Variants in RAPGEF4 observed in about 807,000 individuals in gnomAD.
RAPGEF4 encodes Rap guanine nucleotide exchange factor 4.
Under a neutral mutation model 147.9 loss-of-function variants are expected in RAPGEF4, and 66 were observed. The observed-to-expected ratio is 0.45, with a 90% confidence interval of 0.37 to 0.55. RAPGEF4 has a LOEUF of 0.55. Ranked by LOEUF, RAPGEF4 falls within the 20% of genes least tolerant of loss-of-function variation. The pLI is 0.00. For missense variants in RAPGEF4, 1,071 were observed against 1,257.3 expected, an observed-to-expected ratio of 0.85 and a Z score of 2.24; for synonymous variants, 419 against 442.7, an observed-to-expected ratio of 0.95 and a Z score of 0.67.
intron 4 of RAPGEF4, among the ~76,000 whole-genome samples, chr2:172,837,298 G>T (rs1488692234): frequency 6.6e-6 from 1 of 152,154 alleles, no homozygotes; most frequent in Admixed American, 6.5e-5. Flanking sequence ...GCCGGTGGGG[G>T]TGATTATCCC....
At chr2:172,788,136 G>C (rs977528402) in intron 1 of RAPGEF4, among the ~76,000 whole-genome samples, 1 of 152,134 alleles carries the variant, frequency 6.6e-6, no homozygotes, top group African/African-American at 2.4e-5. Flanking sequence ...CCATTCATGA[G>C]GGCTCTGCCC....
intron 4 of RAPGEF4, among the ~76,000 whole-genome samples, chr2:172,885,193 C>T (rs571589544): frequency 4.6e-5 from 7 of 152,362 alleles, no homozygotes; most frequent in South Asian, 2.1e-4. Flanking sequence ...TGTGGGTCAG[C>T]GTTACAGTGT....
chr2:172,986,948 G>A (rs945992197), intron 12 of RAPGEF4, among the ~76,000 whole-genome samples: 14 of 152,102 alleles, frequency 9.2e-5, no homozygotes, highest in African/African-American at 3.1e-4. Flanking sequence ...TCTGCCCGCC[G>A]TGGCCTCCCA....
At chr2:172,819,622 C>T (rs1372732507) in intron 4 of RAPGEF4, among the ~76,000 whole-genome samples, 11 of 151,182 alleles carry the variant, frequency 7.3e-5, no homozygotes, top group African/African-American at 2.7e-4. Flanking sequence ...CCCGCCACTA[C>T]GCCCGGCTAA....
intron 12 of RAPGEF4, among the ~76,000 whole-genome samples, chr2:172,986,394 G>A (rs1020117196): frequency 6.6e-6 from 1 of 152,120 alleles, no homozygotes; most frequent in Non-Finnish European, 1.5e-5. Context: ...CAAATAAGCA[G>A]GAAACATTAA....
intron 15 of RAPGEF4, among the ~76,000 whole-genome samples, chr2:172,991,264 G>T (rs1459955821): frequency 1.3e-5 from 2 of 152,178 alleles, no homozygotes; most frequent in East Asian, 3.9e-4. Context: ...GGATATGAAG[G>T]CCCCTGGGTG....
chr2:172,897,397 A>AAT (rs1698589908), intron 4 of RAPGEF4, among the ~76,000 whole-genome samples: 2 of 151,484 alleles, frequency 1.3e-5, no homozygotes, highest in African/African-American at 2.4e-5. Context: ...GTTTTTTAAA[A>AAT]ATATATATAT....
At chr2:172,766,653 C>T (rs1206947213) in intron 1 of RAPGEF4, among the ~76,000 whole-genome samples, 1 of 152,186 alleles carries the variant, frequency 6.6e-6, no homozygotes, top group Non-Finnish European at 1.5e-5. Context: ...CCTGGGGCCT[C>T]GTTATGTTCC....
chr2:172,914,891 A>T (rs1344437893), intron 4 of RAPGEF4, among the ~76,000 whole-genome samples: 4 of 152,206 alleles, frequency 2.6e-5, no homozygotes, highest in African/African-American at 4.8e-5. Context: ...GCATCTTTTC[A>T]TATGGTATTT....
chr2:172,818,205 A>G (rs1422595262), intron 4 of RAPGEF4, among the ~76,000 whole-genome samples: 1 of 151,922 alleles, frequency 6.6e-6, no homozygotes, highest in Non-Finnish European at 1.5e-5. Context: ...AGAGGGGTGA[A>G]GGATAAAAGA....
At chr2:172,854,374 A>G in intron 4 of RAPGEF4, among the ~76,000 whole-genome samples, 1 of 151,936 alleles carries the variant, frequency 6.6e-6, no homozygotes, top group East Asian at 1.9e-4. Flanking sequence ...AATCTAATTC[A>G]TAGGATATTA....
At chr2:172,819,807 C>G (rs1400546280) in intron 4 of RAPGEF4, among the ~76,000 whole-genome samples, 2 of 152,176 alleles carry the variant, frequency 1.3e-5, no homozygotes, top group Non-Finnish European at 2.9e-5. Context: ...AATTTAAACT[C>G]TTTGACACTA....
intron 4 of RAPGEF4, among the ~76,000 whole-genome samples, chr2:172,840,482 G>T (rs1691459860): frequency 6.6e-6 from 1 of 152,148 alleles, no homozygotes; most frequent in Non-Finnish European, 1.5e-5. Flanking sequence ...GGTCCTCTGT[G>T]CCATTCTCTT....
rs1455927551 is a variant in RAPGEF4, at chr2:172,804,804, A to T, written c.297+7191A>T. ...ATATTAAAAAAAGTCATGATTCTACATTTCAGAGAAGTATTAACTACAGAC... is the reference window on the plus strand; with the variant it reads ...ATATTAAAAAAAGTCATGATTCTACTTTTCAGAGAAGTATTAACTACAGAC... On this transcript the variant is annotated intron_variant, in intron 3 of 30. Coordinates refer to ENST00000397081, the MANE Select transcript of RAPGEF4 (RefSeq NM_007023.4). 2.0e-5 allele frequency among the ~76,000 whole-genome samples: 3 copies of T among 152,300 alleles called. No individual in the cohort carries two copies. The East Asian group carries it at 5.8e-4, about 29-fold the overall frequency.
At chr2:172,952,663 A>G (rs1688323851) in intron 6 of RAPGEF4, among the ~76,000 whole-genome samples, 1 of 152,246 alleles carries the variant, frequency 6.6e-6, no homozygotes, top group South Asian at 2.1e-4. Context: ...GATCTAAAAG[A>G]GAACCATTCT....
chr2:172,800,929 G>A (rs1249635759), intron 3 of RAPGEF4, among the ~76,000 whole-genome samples: 1 of 152,174 alleles, frequency 6.6e-6, no homozygotes, highest in African/African-American at 2.4e-5. Flanking sequence ...AATGAGGAGG[G>A]AAATGGGGTT....
Position 172,887,769 on chromosome 2 carries a change from G to A in RAPGEF4, c.445-30033G>A, listed in dbSNP as rs548048019. Among the ~76,000 whole-genome samples, 21 of 152,072 alleles carry A rather than the reference G, an allele frequency of 1.4e-4. No individual in the cohort carries two copies. In the South Asian group the frequency reaches 4.2e-3, roughly 30 times the overall value. On this transcript the variant is annotated intron_variant, in intron 4 of 30. Coordinates refer to ENST00000397081, the MANE Select transcript of RAPGEF4 (RefSeq NM_007023.4). Reference sequence around the variant, plus strand: ...TTGCCGAACCTTTTCGTGCATCTGAGCCTTCGCACATACTGTTCCCTCTGC... The same window carrying A: ...TTGCCGAACCTTTTCGTGCATCTGAACCTTCGCACATACTGTTCCCTCTGC...
In RAPGEF4 at chr2:172,735,999, G is replaced by A. The variant is rs1451485391; in HGVS notation, c.16G>A (p.Ala6Thr). MVAAH[A>T]AHSSSSAEWI... ...GCCGCTCAACATGGTCGCTGCGCAC[G>A]CTGCCCATTCTTCCTCCTCTGCCGA... is the stretch of plus-strand genomic sequence containing the variant. The change falls in exon 1 of 31, where the codon GCT becomes ACT. Residue 6 changes from alanine (A) to threonine (T), a missense_variant. Physicochemically the swap from Ala to Thr is moderately conservative, Grantham distance 58. Transcript: ENST00000397081. 3 of 1,477,490 alleles carry A rather than the reference G, an allele frequency of 2.0e-6. No individual in the cohort carries two copies. Among genetic ancestry groups the A allele is most frequent in the East Asian group, 3.1e-5 (1 of 32,378 alleles). The allele number at this position is 1,477,490 out of a possible 1,614,324, so 91.5% of individuals were successfully genotyped here.
intron 10 of RAPGEF4, 67 bp downstream of exon 10, chr2:172,967,511 G>T: frequency 1.3e-6 from 2 of 1,492,510 alleles, no homozygotes; most frequent in Non-Finnish European, 1.8e-6. Context: ...CATACCATGA[G>T]GAGAGACACA....
Sources: gnomAD v4.1 joint callset for allele counts (sites outside exome capture counted in the v4.1 genomes callset) on GRCh38, gnomAD v4.1.1 for gene constraint, MANE v1.5 for transcripts, NCBI Gene and HGNC (gene_info 2026-07-23, HGNC 2026-07-21) for gene names.